The following PLCB4 variants were observed in gnomAD, a reference collection of about 807,000 sequenced individuals.
PLCB4 encodes the protein phospholipase C beta 4.
A neutral mutation model predicts 178.8 loss-of-function variants in PLCB4; 77 were observed. The observed-to-expected ratio is 0.43, with a 90% confidence interval of 0.36 to 0.52. The LOEUF is 0.52. PLCB4 is among the 20% of genes least tolerant of loss of function. The pLI, the probability that PLCB4 is intolerant of heterozygous loss-of-function variation, is 0.00. For missense variants in PLCB4, 1,024 were observed against 1,453.4 expected (o/e 0.70, Z 4.80); for synonymous variants, 496 against 490.8 (o/e 1.01, Z -0.14).
At chr20:9,168,143 A>G (rs998154252) in intron 2 of PLCB4, among the ~76,000 whole-genome samples, 1 of 152,200 alleles carries the variant, frequency 6.6e-6, no homozygotes, top group African/African-American at 2.4e-5. Context: ...TGCACTCTCC[A>G]AAGATACAGA....
intron 3 of PLCB4, among the ~76,000 whole-genome samples, chr20:9,273,246 G>A (rs1045256477): frequency 1.3e-5 from 2 of 152,114 alleles, no homozygotes; most frequent in African/African-American, 4.8e-5. Context: ...TGCCTAGTAT[G>A]TATCGAGCAA....
intron 3 of PLCB4, among the ~76,000 whole-genome samples, chr20:9,265,018 T>C (rs2094335154): frequency 6.6e-6 from 1 of 152,136 alleles, no homozygotes; most frequent in Non-Finnish European, 1.5e-5. Context: ...AATCTGACTA[T>C]TTAAGCAAGT....
chr20:9,283,188 T>C lies in PLCB4; in HGVS notation c.-15-24612T>C, dbSNP rs144567892. On this transcript the variant is annotated intron_variant, in intron 3 of 39. Coordinates refer to ENST00000378473, the MANE Select transcript of PLCB4 (RefSeq NM_001377142.1). ...ACACTTTATCTTCAGGCAGAAACCA[T>C]TGGCCTGAACTAGTCATATACATGC... is the stretch of plus-strand genomic sequence containing the variant. 2.1e-3 allele frequency among the ~76,000 whole-genome samples: 321 copies of C among 152,072 alleles called. 4 individuals carry two copies. Among genetic ancestry groups the C allele is most frequent in the East Asian group, 0.012 (61 of 5,130 alleles).
chr20:9,363,773 G>A (rs2035543256), intron 8 of PLCB4, among the ~76,000 whole-genome samples: 1 of 152,208 alleles, frequency 6.6e-6, no homozygotes, highest in Admixed American at 6.5e-5. Flanking sequence ...GTGCCAAGGG[G>A]AACCATGTTG....
At chr20:9,154,970 C>T in intron 2 of PLCB4, among the ~76,000 whole-genome samples, 1 of 89,706 alleles carries the variant, frequency 1.1e-5, no homozygotes, top group East Asian at 4.1e-4. Context: ...CTTCCTTCTG[C>T]TTTTGGGGTA....
chr20:9,416,985 C>G (rs2040295437), intron 25 of PLCB4, among the ~76,000 whole-genome samples: 1 of 151,924 alleles, frequency 6.6e-6, no homozygotes, highest in Non-Finnish European at 1.5e-5. Context: ...ACTCAGGATC[C>G]CTTTTGGGTT....
At position 9,080,240 on chromosome 20, in the gene PLCB4, C is replaced by G. The variant is rs185434454; in HGVS notation, c.-135+11034C>G. On this transcript the variant is annotated intron_variant, in intron 1 of 39. Transcript: ENST00000378473. ...TCATTTATTCTCTCATTTTCTTGGC[C>G]CTGTTGCTTGAAAGGTGAAGTCTGC... Among the ~76,000 whole-genome samples, 729 of 152,130 alleles carry G rather than the reference C, an allele frequency of 4.8e-3. 6 individuals carry two copies. The highest frequency in any genetic ancestry group is 0.016 in the African/African-American group (678 of 41,498).
At chr20:9,362,096 G>A (rs530519538) in intron 7 of PLCB4, among the ~76,000 whole-genome samples, 4 of 152,128 alleles carry the variant, frequency 2.6e-5, no homozygotes, top group African/African-American at 7.2e-5. Context: ...GTGGGCCACC[G>A]TTCTATTTAA....
intron 32 of PLCB4, among the ~76,000 whole-genome samples, chr20:9,449,256 C>A (rs1041315722): frequency 6.6e-5 from 10 of 152,292 alleles, no homozygotes; most frequent in African/African-American, 2.4e-4. Context: ...GCATGCTTTT[C>A]AATTGTCCAA....
At chr20:9,395,338 A>T (rs1268807546) in intron 18 of PLCB4, among the ~76,000 whole-genome samples, 185 bp from the exon 19 acceptor site, 1 of 152,202 alleles carries the variant, frequency 6.6e-6, no homozygotes, top group Admixed American at 6.5e-5. Context: ...GTTTCTTACA[A>T]GGTCGAGACC....
At chr20:9,308,010 A>C in intron 4 of PLCB4, 112 bp downstream of exon 4, 1 of 513,312 alleles carries the variant, frequency 1.9e-6, no homozygotes, top group Non-Finnish European at 3.4e-6. Flanking sequence ...TTTAGGATTT[A>C]TAGGTTGGAG....
intron 1 of PLCB4, among the ~76,000 whole-genome samples, chr20:9,081,768 C>CAAAAAAAAAA (rs10629831): frequency 1.9e-4 from 17 of 90,438 alleles, no homozygotes; most frequent in South Asian, 9.1e-4. Flanking sequence ...GATGATTAAG[C>CAAAAAAAAAA]AAAAAAAAAA....
chr20:9,451,294 G>A (rs1377719618), intron 32 of PLCB4, among the ~76,000 whole-genome samples: 6 of 152,116 alleles, frequency 3.9e-5, no homozygotes, highest in Non-Finnish European at 7.4e-5. Flanking sequence ...AAAAATCTGT[G>A]TCAATTTACA....
intron 4 of PLCB4, among the ~76,000 whole-genome samples, chr20:9,309,857 G>C (rs942256943): frequency 5.3e-5 from 8 of 152,058 alleles, no homozygotes; most frequent in African/African-American, 1.9e-4. Context: ...AGGAAATACT[G>C]ATCACCTGTG....
rs374303916 is a variant in PLCB4, at chr20:9,266,858, C to T, written c.-15-40942C>T. ...TTAGAAGATTAATGTTAAAATGTTA[C>T]AAATTATAAATTAAGTTAACATTAA... is the stretch of plus-strand genomic sequence containing the variant. On this transcript the variant is annotated intron_variant, in intron 3 of 39. Transcript: ENST00000378473. 2.6e-5 allele frequency among the ~76,000 whole-genome samples: 4 copies of T among 152,086 alleles called. 1 individual carries two copies. The highest frequency in any genetic ancestry group is 1.5e-5 in the Non-Finnish European group (1 of 67,970).
rs2035457151 is a variant in PLCB4 at position 9,362,775 on chromosome 20, A to G, written c.370-121A>G. On this transcript the variant is annotated intron_variant, in intron 7 of 39. Coordinates refer to ENST00000378473, the MANE Select transcript of PLCB4 (RefSeq NM_001377142.1). ...AATATAGATGGCTGTGTGACAGGAAAGGGACAAAAGAAGAGTTTGTGTTTT... is the reference window on the plus strand; with the variant it reads ...AATATAGATGGCTGTGTGACAGGAAGGGGACAAAAGAAGAGTTTGTGTTTT... 12 of 667,940 alleles carry G rather than the reference A, an allele frequency of 1.8e-5. No individual in the cohort carries two copies. In the Admixed American group the frequency reaches 2.7e-4, roughly 15 times the overall value. The allele number at this position is 667,940 out of a possible 1,614,324, so 41.4% of individuals were successfully genotyped here.
intron 32 of PLCB4, among the ~76,000 whole-genome samples, chr20:9,450,866 C>G (rs776284218): frequency 6.6e-6 from 1 of 151,926 alleles, no homozygotes; most frequent in Non-Finnish European, 1.5e-5. Flanking sequence ...CCAGGCTAGT[C>G]TCGAACTCCT....
chr20:9,098,405 G>A (rs73895545), intron 2 of PLCB4, among the ~76,000 whole-genome samples: 4,514 of 152,076 alleles, frequency 0.03, 234 homozygotes, highest in African/African-American at 0.1. Context: ...CAACTACTAG[G>A]AAAGTTGCTT....
chr20:9,186,366 C>T (rs2093328694), intron 2 of PLCB4, among the ~76,000 whole-genome samples: 1 of 152,186 alleles, frequency 6.6e-6, no homozygotes, highest in Admixed American at 6.5e-5. Flanking sequence ...TCTCTGCCAA[C>T]TCATTCCAGA....
Sources: allele counts gnomAD v4.1 joint callset (sites outside exome capture counted in the v4.1 genomes callset), GRCh38; gene constraint gnomAD v4.1.1; transcripts MANE v1.5; gene names NCBI Gene and HGNC (gene_info 2026-07-23, HGNC 2026-07-21).